DNAH6: variants seen among roughly 807,000 people sequenced by gnomAD.
DNAH6 encodes axonemal beta dynein heavy chain 6.
In DNAH6, 340 loss-of-function variants were observed where a neutral mutation model predicts 491.4. The ratio of observed to expected loss-of-function variants is 0.69; its 90% CI spans 0.63 to 0.76. The LOEUF (loss-of-function observed/expected upper bound fraction) is 0.76. Ranked by LOEUF, DNAH6 falls within the 30% of genes least tolerant of loss-of-function variation. The pLI is 0.00. For missense variants in DNAH6, 4,443 were observed against 4,972.2 expected (o/e 0.89, Z 3.20); for synonymous variants, 1,603 against 1,686.1 (o/e 0.95, Z 1.21).
At position 84,577,280 on chromosome 2, in the gene DNAH6, C is replaced by T. The variant is rs1682546855; in HGVS notation, c.1948C>T (p.Leu650=). 1 of 1,585,744 alleles carries T rather than the reference C, an allele frequency of 6.3e-7. No homozygotes were observed. The highest frequency in any genetic ancestry group is 1.2e-5 in the South Asian group (1 of 83,526). ...EPDINFFSEQ[L]EKYHKQHKDA... is the part of the protein sequence containing the mutation. ...AGATATTAACTTTTTTAGTGAACAA[C>T]TGGAAAAATATCACAAACAGCACAA... Residue 650 remains leucine, a synonymous_variant, in exon 13 of 77, where the codon CTG becomes TTG. Coordinates refer to ENST00000389394, the MANE Select transcript of DNAH6 (RefSeq NM_001370.2).
intron 46 of DNAH6, among the ~76,000 whole-genome samples, chr2:84,695,909 A>G (rs1194325082): frequency 1.3e-5 from 2 of 152,084 alleles, no homozygotes; most frequent in Admixed American, 6.5e-5. Flanking sequence ...AAAAGTTACT[A>G]CATTCTGTTG....
chr2:84,489,977 A>C, the DNAH6 span, among the ~76,000 whole-genome samples: 1 of 152,196 alleles, frequency 6.6e-6, no homozygotes, highest in East Asian at 1.9e-4. Context: ...GATGCTTGAA[A>C]TGACACCACT....
intron 64 of DNAH6, among the ~76,000 whole-genome samples, chr2:84,765,729 T>C (rs992075341): frequency 4.6e-5 from 7 of 151,966 alleles, no homozygotes; most frequent in African/African-American, 9.7e-5. Context: ...TTAATGCAAA[T>C]ACCTAAATAG....
intron 30 of DNAH6, among the ~76,000 whole-genome samples, chr2:84,636,894 C>CA (rs34526526): frequency 0.031 from 4,458 of 143,928 alleles, 231 homozygotes; most frequent in African/African-American, 0.1. Flanking sequence ...GACCCTGTCT[C>CA]AAAAAAAAAA....
chr2:84,535,454 C>T (rs1416106027), intron 4 of DNAH6, among the ~76,000 whole-genome samples: 2 of 151,606 alleles, frequency 1.3e-5, no homozygotes, highest in African/African-American at 4.8e-5. Flanking sequence ...ATTTCAACAC[C>T]TTTTCAGAGA....
intron 62 of DNAH6, among the ~76,000 whole-genome samples, chr2:84,743,120 G>C (rs2105032950): frequency 6.6e-6 from 1 of 152,240 alleles, no homozygotes. Flanking sequence ...GACAGTTAGG[G>C]ACAGACCCAA....
chr2:84,633,084 A>G (rs1688552255), intron 29 of DNAH6, among the ~76,000 whole-genome samples: 1 of 152,202 alleles, frequency 6.6e-6, no homozygotes, highest in Non-Finnish European at 1.5e-5. Context: ...AGGCTTCTTC[A>G]TAGAATGTAT....
intron 68 of DNAH6, among the ~76,000 whole-genome samples, chr2:84,794,851 T>G (rs1262757984): frequency 2.0e-5 from 3 of 147,720 alleles, no homozygotes; most frequent in Non-Finnish European, 4.5e-5. Context: ...GGACTATAAA[T>G]CATGCTGCTA....
chr2:84,512,070 T>G (rs1045730421), upstream of DNAH6, among the ~76,000 whole-genome samples: 4 of 152,184 alleles, frequency 2.6e-5, no homozygotes, highest in Non-Finnish European at 5.9e-5. Context: ...TGTTTTCTGT[T>G]TTTTTGGGGG....
chr2:84,633,421 G>A (rs1688586025), intron 29 of DNAH6, among the ~76,000 whole-genome samples: 1 of 152,062 alleles, frequency 6.6e-6, no homozygotes, highest in Non-Finnish European at 1.5e-5. Flanking sequence ...TGCTTGGGGT[G>A]AGAGGAAGGG....
chr2:84,471,149 TC>T, the DNAH6 span, among the ~76,000 whole-genome samples: 1 of 152,218 alleles, frequency 6.6e-6, no homozygotes, highest in Non-Finnish European at 1.5e-5. Context: ...TCAGCTTTTT[TC>T]CCAACACTCA....
At chr2:84,818,451 C>G (rs1006616905) in intron 76 of DNAH6, among the ~76,000 whole-genome samples, 2 of 125,798 alleles carry the variant, frequency 1.6e-5, no homozygotes, top group East Asian at 5.0e-4. Context: ...AACCACTGCA[C>G]TCCAGCCTGG....
upstream of DNAH6, among the ~76,000 whole-genome samples, chr2:84,513,710 A>G (rs1173348071): frequency 7.2e-5 from 11 of 151,772 alleles, no homozygotes; most frequent in Admixed American, 7.2e-4. Context: ...AACTTGTGAG[A>G]ATTCTAAGGA....
At chr2:84,755,938 TTGTTTTAAAAAAGAGGAGTTCCCC>T (rs1673966907) in intron 63 of DNAH6, among the ~76,000 whole-genome samples, 1 of 152,168 alleles carries the variant, frequency 6.6e-6, no homozygotes, top group South Asian at 2.1e-4. Flanking sequence ...CGAGATCTGA[TTGTTTTAAAAAAGAGGAGTTCCCC>T]TGCGCAAGCA....
intron 10 of DNAH6, among the ~76,000 whole-genome samples, chr2:84,555,546 C>T (rs368798919): frequency 5.9e-5 from 9 of 152,120 alleles, no homozygotes; most frequent in Non-Finnish European, 1.2e-4. Flanking sequence ...AGGATGCAGA[C>T]GTAAACATAT....
rs1573541828 is a variant in DNAH6, at chr2:84,703,651, A to G, written c.8229+89A>G. The G allele has an allele frequency of 9.5e-6, 11 of 1,154,740 alleles. No homozygotes were observed. In the East Asian group the frequency reaches 2.7e-4, roughly 29 times the overall value. The allele number at this position is 1,154,740 out of a possible 1,614,324, so 71.5% of individuals were successfully genotyped here. A position where few individuals can be genotyped will look rare whatever the true frequency, so the allele number is the denominator to read the frequency against. ...TGAGACACGATTGGATTTTTTTATT[A>G]TATATGTTATTAAAATAATTAAGTG... On this transcript the variant is annotated intron_variant, in intron 50 of 76. Transcript: ENST00000389394.
chr2:84,486,143 C>G, the DNAH6 span, among the ~76,000 whole-genome samples: 1 of 152,140 alleles, frequency 6.6e-6, no homozygotes, highest in Non-Finnish European at 1.5e-5. Context: ...TTGAGACTTC[C>G]AGAGCTTCAG....
At chr2:84,763,072 TTAAGA>T in intron 64 of DNAH6, 127 bp downstream of exon 64, 1 of 688,154 alleles carries the variant, frequency 1.5e-6, no homozygotes. Context: ...CTACATAAAT[TTAAGA>T]TATGTTAATA....
At chr2:84,808,688 A>G (rs895978781) in intron 72 of DNAH6, 146 bp downstream of exon 72, 2 of 756,886 alleles carry the variant, frequency 2.6e-6, no homozygotes, top group African/African-American at 3.6e-5. Flanking sequence ...CTAAAAATGA[A>G]TTTATCCTTC....
Sources: allele counts gnomAD v4.1 joint callset (sites outside exome capture counted in the v4.1 genomes callset), GRCh38; gene constraint gnomAD v4.1.1; transcripts MANE v1.5; gene names NCBI Gene and HGNC (gene_info 2026-07-23, HGNC 2026-07-21).